The following HADHA variants were observed in gnomAD, a reference collection of about 807,000 sequenced individuals.
HADHA encodes trifunctional enzyme subunit alpha, mitochondrial.
Under a neutral mutation model 91.3 loss-of-function variants are expected in HADHA, and 59 were observed. The ratio of observed to expected loss-of-function variants is 0.65; its 90% CI spans 0.52 to 0.80. HADHA has a LOEUF of 0.80. HADHA is among the 30% of genes least tolerant of loss of function. HADHA has a pLI of 0.00. For synonymous variants in HADHA, 320 were observed against 338.9 expected (o/e 0.94, Z 0.61); for missense variants, 800 against 927.6 (o/e 0.86, Z 1.79).
rs12999875 is a variant in HADHA at position 26,191,978 on chromosome 2, A to C, written c.2000+332T>G. Reference sequence around the variant, plus strand: ...CTGTCCTTCCAGCGGCTCTCTGGGAACTTGCCAGAGAAGGCTGGAGCAGGG... The same window carrying C: ...CTGTCCTTCCAGCGGCTCTCTGGGACCTTGCCAGAGAAGGCTGGAGCAGGG... On this transcript the variant is annotated intron_variant, in intron 18 of 19. Coordinates refer to ENST00000380649, the MANE Select transcript of HADHA (RefSeq NM_000182.5). Among the ~76,000 whole-genome samples the C allele has an allele frequency of 0.17, 26,547 of 152,192 alleles. 2,666 individuals are homozygous for C. Among genetic ancestry groups the C allele is most frequent in the Middle Eastern group, 0.26 (75 of 294 alleles).
chr2:26,200,170 C>T (rs567406320), intron 13 of HADHA, among the ~76,000 whole-genome samples: 31 of 152,230 alleles, frequency 2.0e-4, no homozygotes, highest in African/African-American at 7.0e-4. Context: ...TATTTTGAGA[C>T]GGAGTTTTGC....
intron 7 of HADHA, among the ~76,000 whole-genome samples, chr2:26,217,710 G>A (rs2147771713): frequency 6.6e-6 from 1 of 152,194 alleles, no homozygotes; most frequent in East Asian, 1.9e-4. Flanking sequence ...AGACCAGTGT[G>A]GGCAACATGG....
chr2:26,212,260 TA>T, intron 10 of HADHA: 1 of 372,388 alleles, frequency 2.7e-6, no homozygotes. Flanking sequence ...CTAACTTTTG[TA>T]GTTTTTGTAA....
At chr2:26,192,289 T>C (rs1291774893) in intron 18 of HADHA, 21 bp downstream of exon 18, 1 of 1,202,488 alleles carries the variant, frequency 8.3e-7, no homozygotes, top group Non-Finnish European at 1.2e-6. Flanking sequence ...TTCCAGGCAT[T>C]AGCCACTCAA....
At chr2:26,215,643 G>A (rs943211330) in intron 7 of HADHA, among the ~76,000 whole-genome samples, 2 of 152,186 alleles carry the variant, frequency 1.3e-5, no homozygotes, top group African/African-American at 4.8e-5. Flanking sequence ...TCAGGGATGT[G>A]TAATGCTTTT....
chr2:26,230,157 T>C (rs781673098), intron 7 of HADHA, 35 bp downstream of exon 7: 2 of 1,290,190 alleles, frequency 1.6e-6, no homozygotes, highest in South Asian at 2.4e-5. Context: ...TAAGTAACTT[T>C]ATAAGGTCTG....
At position 26,221,988 on chromosome 2, in the gene HADHA, G is replaced by A. The variant is rs4665323; in HGVS notation, c.677-6813C>T. 6.6e-6 allele frequency among the ~76,000 whole-genome samples: 1 copy of A among 152,148 alleles called. No individual in the cohort carries two copies. The highest frequency in any genetic ancestry group is 2.4e-5 in the African/African-American group (1 of 41,424). Reference sequence around the variant, plus strand: ...ACACAGATGAAAAACTGTTGGCAAGGTGTTATGGGCTGAATTGTGTCCCCC... The same window carrying A: ...ACACAGATGAAAAACTGTTGGCAAGATGTTATGGGCTGAATTGTGTCCCCC... On this transcript the variant is annotated intron_variant, in intron 7 of 19. Transcript: ENST00000380649. This position sits in a 1 kb window ranked among gnomAD's most constrained non-coding sequence, Gnocchi z 4.8.
chr2:26,227,973 A>G (rs1287507980), intron 7 of HADHA, among the ~76,000 whole-genome samples: 1 of 151,618 alleles, frequency 6.6e-6, no homozygotes, highest in Admixed American at 6.6e-5. Context: ...GTGCCACCAC[A>G]CCCAACTAGT....
intron 17 of HADHA, among the ~76,000 whole-genome samples, chr2:26,192,746 A>G (rs978374670): frequency 1.2e-4 from 19 of 152,168 alleles, no homozygotes; most frequent in African/African-American, 4.6e-4. Context: ...AAAAAAAACA[A>G]AAAACAAACA....
At chr2:26,195,512 A>G (rs1425647066) in intron 14 of HADHA, among the ~76,000 whole-genome samples, 1 of 149,632 alleles carries the variant, frequency 6.7e-6, no homozygotes, top group Admixed American at 6.7e-5. Flanking sequence ...TCGAGGCCAA[A>G]CTAGATTTAT....
At chr2:26,238,828 T>G in intron 3 of HADHA, 106 bp downstream of exon 3, 1 of 801,448 alleles carries the variant, frequency 1.2e-6, no homozygotes, top group Non-Finnish European at 2.2e-6. Flanking sequence ...CATGTAAGAT[T>G]ACTGCCAGAT....
At position 26,234,284 on chromosome 2, in the gene HADHA, T is replaced by C. The variant is rs769625802; in HGVS notation, c.386A>G (p.Lys129Arg). 6 of 1,613,576 alleles carry C rather than the reference T, an allele frequency of 3.7e-6. No homozygotes were observed. The Admixed American group carries it at 1.0e-4, about 27-fold the overall frequency. Reference sequence around the variant, plus strand: ...AATAGGCTTTGTGGACTTTTCAAGTTTCTCAACTATTCTCTGTGCTTCTTG... The same window carrying C: ...AATAGGCTTTGTGGACTTTTCAAGTCTCTCAACTATTCTCTGTGCTTCTTG... ...LSQEAQRIVE[K>R]LEKSTKPIVA... is the part of the protein sequence containing the mutation. Residue 129 changes from lysine (K) to arginine (R), a missense_variant, in exon 5 of 20, where the codon AAA (lysine) becomes AGA (arginine). By Grantham distance (26) the Lys-to-Arg change is conservative (BLOSUM62 2). Coordinates refer to ENST00000380649, the MANE Select transcript of HADHA (RefSeq NM_000182.5).
chr2:26,192,540 A>G, intron 17 of HADHA, 116 bp from the exon 18 acceptor site: 1 of 735,944 alleles, frequency 1.4e-6, no homozygotes, highest in Non-Finnish European at 2.5e-6. Context: ...TAATCCCAGC[A>G]CTTTGGGAGG....
Position 26,214,321 on chromosome 2 carries a change from C to G in HADHA, c.918+122G>C, listed in dbSNP as rs1321417002. On this transcript the variant is annotated intron_variant, in intron 9 of 19. Transcript: ENST00000380649. This position sits in a 1 kb window ranked among gnomAD's most constrained non-coding sequence, Gnocchi z 4.1. ...GCCCTTCCCTTATTTTTGGTAAATA[C>G]TTTAATAGCAGAATTAAGAAATTTA... is the stretch of plus-strand genomic sequence containing the variant. 2.6e-6 allele frequency: 2 copies of G among 764,492 alleles called. No individual in the cohort carries two copies. The highest frequency in any genetic ancestry group is 4.8e-6 in the Non-Finnish European group (2 of 414,458). 47.4% of individuals were successfully genotyped at this position (764,492 alleles called of 1,614,324 possible). A position where few individuals can be genotyped will look rare whatever the true frequency, so the allele number is the denominator to read the frequency against.
intron 7 of HADHA, among the ~76,000 whole-genome samples, chr2:26,218,173 G>A (rs943161292): frequency 1.3e-5 from 2 of 152,022 alleles, no homozygotes; most frequent in Non-Finnish European, 2.9e-5. Context: ...GGTAGTGGGT[G>A]ACTGTAATTC....
At chr2:26,215,275 G>T in intron 7 of HADHA, 100 bp from the exon 8 acceptor site, 1 of 1,062,402 alleles carries the variant, frequency 9.4e-7, no homozygotes, top group Non-Finnish European at 1.5e-6. Context: ...CTAGCACAGC[G>T]TTCCATTTCA....
intron 10 of HADHA, 192 bp downstream of exon 10, chr2:26,212,378 C>T (rs1479344913): frequency 2.6e-5 from 16 of 617,002 alleles, no homozygotes; most frequent in African/African-American, 7.4e-5. Flanking sequence ...TAAACCACCA[C>T]GCCTGGCCCC....
chr2:26,212,914 C>T (rs1670136413), intron 9 of HADHA, among the ~76,000 whole-genome samples: 1 of 152,184 alleles, frequency 6.6e-6, no homozygotes, highest in Admixed American at 6.5e-5. Context: ...AGATCCTCAA[C>T]TTCCACTTTC....
chr2:26,222,019 T>C (rs1670386771), intron 7 of HADHA, among the ~76,000 whole-genome samples: 1 of 152,184 alleles, frequency 6.6e-6, no homozygotes, highest in Non-Finnish European at 1.5e-5. Flanking sequence ...CCCCCCTACC[T>C]CATTCATATG....
Sources: gnomAD v4.1 joint callset for allele counts (sites outside exome capture counted in the v4.1 genomes callset) on GRCh38, gnomAD v4.1.1 for gene constraint, Gnocchi (gnomAD v3.1) non-coding constraint, MANE v1.5 for transcripts, NCBI Gene and HGNC (gene_info 2026-07-23, HGNC 2026-07-21) for gene names.